The following NRXN1 variants were observed in gnomAD, a reference collection of about 807,000 sequenced individuals.
The protein encoded by NRXN1 is neurexin 1.
In NRXN1, 39 loss-of-function variants were observed where a neutral mutation model predicts 150.9. The ratio of observed to expected loss-of-function variants is 0.26; its 90% CI spans 0.20 to 0.34. NRXN1 has a LOEUF of 0.34. NRXN1 is among the 10% of genes least tolerant of loss of function. The pLI, the probability that NRXN1 is intolerant of heterozygous loss-of-function variation, is 1.00. For missense variants in NRXN1, 1,815 were observed against 1,949.9 expected (o/e 0.93, Z 1.30); for synonymous variants, 924 against 757.0 (o/e 1.22, Z -3.62).
chr2:50,090,942 A>G (rs957054743), intron 19 of NRXN1, among the ~76,000 whole-genome samples: 5 of 152,140 alleles, frequency 3.3e-5, no homozygotes, highest in African/African-American at 1.2e-4. Flanking sequence ...CAGAAAAAAA[A>G]AGTGTTATAA....
intron 2 of NRXN1, among the ~76,000 whole-genome samples, chr2:51,004,897 T>A (rs1170896044): frequency 6.6e-6 from 1 of 151,930 alleles, no homozygotes; most frequent in Non-Finnish European, 1.5e-5. Flanking sequence ...AAAAAAGTCC[T>A]AAGAAATATT....
chr2:50,687,231 T>C (rs774090121), intron 5 of NRXN1, among the ~76,000 whole-genome samples: 6 of 152,152 alleles, frequency 3.9e-5, no homozygotes, highest in Non-Finnish European at 8.8e-5. Context: ...GAAGGAGCAA[T>C]TCTGGATAAC....
intron 17 of NRXN1, among the ~76,000 whole-genome samples, chr2:50,305,367 G>T (rs2074520967): frequency 6.6e-6 from 1 of 151,784 alleles, no homozygotes; most frequent in Non-Finnish European, 1.5e-5. Context: ...AAATATCCAG[G>T]GTCCTAAAAA....
At chr2:50,814,413 T>C (rs1668641365) in intron 5 of NRXN1, among the ~76,000 whole-genome samples, 1 of 151,660 alleles carries the variant, frequency 6.6e-6, no homozygotes, top group African/African-American at 2.4e-5. Context: ...GTGAATCTAC[T>C]GTAAAATGAA....
chr2:50,864,872 C>G (rs528728832), intron 5 of NRXN1, among the ~76,000 whole-genome samples: 1 of 151,976 alleles, frequency 6.6e-6, no homozygotes, highest in Non-Finnish European at 1.5e-5. Flanking sequence ...AATTGCTGTG[C>G]TACATCTCCA....
chr2:50,581,741 CCTGTT>C (rs972742637), intron 8 of NRXN1, among the ~76,000 whole-genome samples: 1 of 152,120 alleles, frequency 6.6e-6, no homozygotes, highest in Non-Finnish European at 1.5e-5. Flanking sequence ...TGGGCAGCTA[CCTGTT>C]CTGGACAATA....
At chr2:50,818,926 T>C (rs1574586132) in intron 5 of NRXN1, among the ~76,000 whole-genome samples, 1 of 152,090 alleles carries the variant, frequency 6.6e-6, no homozygotes, top group East Asian at 1.9e-4. Context: ...ATATCAGTAA[T>C]CAAGCAAGGA....
intron 5 of NRXN1, among the ~76,000 whole-genome samples, chr2:50,879,671 G>T (rs1214690223): frequency 6.6e-6 from 1 of 151,846 alleles, no homozygotes; most frequent in Non-Finnish European, 1.5e-5. Context: ...CTCTTTCTCA[G>T]TTTCGCCTGT....
chr2:50,113,994 T>C (rs960048454), intron 18 of NRXN1, among the ~76,000 whole-genome samples: 2 of 152,106 alleles, frequency 1.3e-5, no homozygotes, highest in Non-Finnish European at 2.9e-5. Context: ...AAGATCTATA[T>C]ATACAAGTAT....
chr2:50,980,499 C>A (rs543598162), intron 2 of NRXN1, among the ~76,000 whole-genome samples: 1 of 151,922 alleles, frequency 6.6e-6, no homozygotes, highest in Admixed American at 6.6e-5. Context: ...TTTTTCTTTG[C>A]TTTTCATCTT....
chr2:50,369,349 C>A (rs1168533074), intron 17 of NRXN1, among the ~76,000 whole-genome samples: 2 of 151,990 alleles, frequency 1.3e-5, no homozygotes, highest in East Asian at 3.9e-4. Flanking sequence ...ATCTACCAAA[C>A]TATCAGTTTC....
In NRXN1 at chr2:50,848,965, A is replaced by G. The variant is rs114960383; in HGVS notation, c.832+72904T>C. Reference sequence around the variant, plus strand: ...AAGCAGGTCCCAGGCGATTCCCCACATACAGCGCCTTCTCTGTCCAACTAA... The same window carrying G: ...AAGCAGGTCCCAGGCGATTCCCCACGTACAGCGCCTTCTCTGTCCAACTAA... On this transcript the variant is annotated intron_variant, in intron 5 of 22. Transcript: ENST00000401669. Among the ~76,000 whole-genome samples the G allele has an allele frequency of 5.8e-3, 877 of 152,286 alleles. 6 individuals carry two copies. The highest frequency in any genetic ancestry group is 0.019 in the African/African-American group (784 of 41,556).
intron 2 of NRXN1, among the ~76,000 whole-genome samples, chr2:51,021,562 A>G (rs1669617389): frequency 6.6e-6 from 1 of 151,962 alleles, no homozygotes; most frequent in Non-Finnish European, 1.5e-5. Flanking sequence ...ATATATATAT[A>G]TATACACAAT....
At chr2:50,505,221 A>G (rs2092158567) in intron 13 of NRXN1, among the ~76,000 whole-genome samples, 1 of 152,184 alleles carries the variant, frequency 6.6e-6, no homozygotes, top group Non-Finnish European at 1.5e-5. Flanking sequence ...CCAACAAACC[A>G]AAACACACAA....
chr2:50,592,900 A>G (rs1212463573), intron 8 of NRXN1, among the ~76,000 whole-genome samples: 1 of 152,246 alleles, frequency 6.6e-6, no homozygotes, highest in Admixed American at 6.5e-5. Context: ...AAAGCTTGTC[A>G]TAAAGATGGG....
chr2:50,784,429 C>T (rs1338042410), intron 5 of NRXN1, among the ~76,000 whole-genome samples: 5 of 151,334 alleles, frequency 3.3e-5, no homozygotes, highest in Non-Finnish European at 4.4e-5. Context: ...TAGGAGTGAC[C>T]CTGGAGAAGA....
intron 19 of NRXN1, among the ~76,000 whole-genome samples, chr2:50,064,302 T>A (rs189083201): frequency 6.6e-6 from 1 of 152,140 alleles, no homozygotes; most frequent in East Asian, 1.9e-4. Context: ...TTTGCCATTG[T>A]AGTACACAAT....
chr2:50,468,336 G>C (rs2089128880), intron 16 of NRXN1, among the ~76,000 whole-genome samples: 1 of 151,540 alleles, frequency 6.6e-6, no homozygotes, highest in Non-Finnish European at 1.5e-5. Flanking sequence ...ATACAGACGT[G>C]CTGTATTTTA....
At chr2:50,331,880 C>T (rs1380939852) in intron 17 of NRXN1, among the ~76,000 whole-genome samples, 2 of 152,014 alleles carry the variant, frequency 1.3e-5, no homozygotes, top group Admixed American at 6.6e-5. Context: ...GTGCTAGGAC[C>T]GTCTACATTA....
Sources: allele counts gnomAD v4.1 joint callset (sites outside exome capture counted in the v4.1 genomes callset), GRCh38; gene constraint gnomAD v4.1.1; transcripts MANE v1.5; gene names NCBI Gene and HGNC (gene_info 2026-07-23, HGNC 2026-07-21).